Variants in LMX1A observed in about 807,000 individuals in gnomAD.
The protein encoded by LMX1A is LIM homeobox transcription factor 1 alpha, also known as LIM homeobox transcription factor 1-alpha.
Under a neutral mutation model 49.1 loss-of-function variants are expected in LMX1A, and 15 were observed. The observed-to-expected ratio is 0.31, with a 90% confidence interval of 0.20 to 0.47. The LOEUF is 0.47. Ranked by LOEUF, LMX1A falls within the 20% of genes least tolerant of loss-of-function variation. The probability of loss-of-function intolerance (pLI) is 1.00; values close to 1 mark genes in which losing one functional copy is unlikely to be tolerated. For missense variants in LMX1A, 372 were observed against 475.8 expected (o/e 0.78, Z 2.03); for synonymous variants, 167 against 185.7 (o/e 0.90, Z 0.82).
At chr1:165,310,068 A>G (rs1349596927) in intron 3 of LMX1A, among the ~76,000 whole-genome samples, 1 of 152,214 alleles carries the variant, frequency 6.6e-6, no homozygotes, top group Non-Finnish European at 1.5e-5. Flanking sequence ...TTATAACTAA[A>G]GGGCATAGCT....
intron 3 of LMX1A, among the ~76,000 whole-genome samples, chr1:165,335,027 C>T (rs192515442): frequency 1.3e-5 from 2 of 152,316 alleles, no homozygotes; most frequent in Admixed American, 1.3e-4. Context: ...AACACCACCC[C>T]TTTGTTAAGA....
intron 3 of LMX1A, among the ~76,000 whole-genome samples, chr1:165,312,919 CA>C (rs1317964763): frequency 1.3e-5 from 2 of 152,224 alleles, no homozygotes; most frequent in East Asian, 3.9e-4. Context: ...ATTTAGACTT[CA>C]GTGGAAGAAA....
At chr1:165,272,574 A>C (rs1489935019) in intron 3 of LMX1A, among the ~76,000 whole-genome samples, 2 of 152,120 alleles carry the variant, frequency 1.3e-5, no homozygotes, top group Admixed American at 6.5e-5. Context: ...CAATGACCAT[A>C]GTGGCGATTT....
At position 165,262,188 on chromosome 1, in the gene LMX1A, T is replaced by C. The variant is rs560292843; in HGVS notation, c.264-12548A>G. 6.2e-4 allele frequency among the ~76,000 whole-genome samples: 95 copies of C among 152,310 alleles called. 1 individual carries two copies. The highest frequency in any genetic ancestry group is 1.5e-3 in the South Asian group (7 of 4,824). On this transcript the variant is annotated intron_variant, in intron 3 of 8. Transcript: ENST00000342310. ...CCTCCCTTGCAGCTAGGGGTAGCCA[T>C]GTGAGGTAGTACATGGATTCTATTG...
intron 3 of LMX1A, among the ~76,000 whole-genome samples, chr1:165,309,332 C>A (rs890719364): frequency 6.6e-6 from 1 of 152,198 alleles, no homozygotes; most frequent in Non-Finnish European, 1.5e-5. Flanking sequence ...TAACAAAAAC[C>A]TGGCAGGGAA....
At chr1:165,316,136 G>C (rs1655213301) in intron 3 of LMX1A, among the ~76,000 whole-genome samples, 1 of 152,196 alleles carries the variant, frequency 6.6e-6, no homozygotes, top group African/African-American at 2.4e-5. Flanking sequence ...ACAGGAGTAA[G>C]GTTTTTCTTT....
chr1:165,313,711 C>T lies in LMX1A; in HGVS notation c.263+39365G>A, dbSNP rs1355256316. Among the ~76,000 whole-genome samples, 5 of 152,240 alleles carry T rather than the reference C, an allele frequency of 3.3e-5. No homozygotes were observed. The East Asian group carries it at 7.7e-4, about 24-fold the overall frequency. On this transcript the variant is annotated intron_variant, in intron 3 of 8. Transcript: ENST00000342310. ...CAGCTCATTTCCCTTCTGCCTTCAG[C>T]TCTTCTGCCAGTGCCTCTTGCTGGT...
chr1:165,249,010 C>A (rs189161130), intron 4 of LMX1A, among the ~76,000 whole-genome samples: 438 of 152,292 alleles, frequency 2.9e-3, no homozygotes, highest in African/African-American at 9.9e-3. Context: ...GTTCCCCAAA[C>A]CTGGATCCTG....
chr1:165,204,312 G>A (rs4657411), intron 8 of LMX1A, among the ~76,000 whole-genome samples: 72,424 of 152,032 alleles, frequency 0.48, 19,099 homozygotes, highest in Non-Finnish European at 0.61. Context: ...GGCAGGACAT[G>A]TCACCAGAGG....
At chr1:165,206,930 T>C (rs1010019691) in intron 7 of LMX1A, among the ~76,000 whole-genome samples, 5 of 152,222 alleles carry the variant, frequency 3.3e-5, no homozygotes, top group Non-Finnish European at 5.9e-5. Context: ...AGTCAAATTC[T>C]GGATTAAGCC....
At chr1:165,318,861 C>G (rs947121127) in intron 3 of LMX1A, among the ~76,000 whole-genome samples, 1 of 152,078 alleles carries the variant, frequency 6.6e-6, no homozygotes, top group Non-Finnish European at 1.5e-5. Flanking sequence ...GCCACCATAC[C>G]ATCTCTGTAC....
intron 3 of LMX1A, among the ~76,000 whole-genome samples, chr1:165,303,077 A>C (rs756325023): frequency 1.3e-4 from 20 of 152,234 alleles, no homozygotes; most frequent in Admixed American, 3.3e-4. Context: ...GGAAGGATAG[A>C]GTATAAATAA....
intron 3 of LMX1A, among the ~76,000 whole-genome samples, chr1:165,324,797 C>G (rs959781206): frequency 1.3e-5 from 2 of 152,122 alleles, no homozygotes; most frequent in Non-Finnish European, 2.9e-5. Context: ...AACTGAGGTT[C>G]AAAGGGCATC....
chr1:165,247,928 T>C (rs968101939), intron 4 of LMX1A, among the ~76,000 whole-genome samples: 1 of 152,226 alleles, frequency 6.6e-6, no homozygotes, highest in Non-Finnish European at 1.5e-5. Context: ...TAATGGTTTT[T>C]CTTCATGTGT....
intron 3 of LMX1A, among the ~76,000 whole-genome samples, chr1:165,267,050 G>A (rs1653649098): frequency 6.6e-6 from 1 of 151,198 alleles, no homozygotes; most frequent in South Asian, 2.1e-4. Context: ...ACAATTCTAT[G>A]ATATTCAGTA....
chr1:165,287,145 C>T (rs1447050550), intron 3 of LMX1A, among the ~76,000 whole-genome samples: 19 of 152,176 alleles, frequency 1.2e-4, no homozygotes, highest in African/African-American at 4.3e-4. Context: ...CTGCCTTCTA[C>T]CCCATTGGCT....
rs61551654 is a variant in LMX1A at position 165,266,595 on chromosome 1, C to CTTTTTTTTTTTTTT, written c.264-16969_264-16956dup. Among the ~76,000 whole-genome samples, 104 of 79,166 alleles carry CTTTTTTTTTTTTTT rather than the reference C, an allele frequency of 1.3e-3. 1 individual carries two copies. Among genetic ancestry groups the CTTTTTTTTTTTTTT allele is most frequent in the Non-Finnish European group, 1.5e-3 (66 of 45,386 alleles). 51.9% of individuals were successfully genotyped at this position (79,166 alleles called of 152,430 possible). On this transcript the variant is annotated intron_variant, in intron 3 of 8. Transcript: ENST00000342310. ...CTAATTTTCTTTCTCTTCTTTCTTTCTTTTTTTTTTTTTTTTTTTTTTTTG... is the reference window on the plus strand; with the variant it reads ...CTAATTTTCTTTCTCTTCTTTCTTTCTTTTTTTTTTTTTTTTTTTTTTTTTTTTTTTTTTTTTTG...
At chr1:165,247,080 T>TTTTTTA (rs1652883753) in intron 4 of LMX1A, among the ~76,000 whole-genome samples, 2 of 134,320 alleles carry the variant, frequency 1.5e-5, no homozygotes, top group Non-Finnish European at 1.7e-5. Context: ...TTTTTTTTTT[T>TTTTTTA]GCAGGGTTAG....
In LMX1A at chr1:165,321,551, A is replaced by G. The variant is rs1367989574; in HGVS notation, c.263+31525T>C. 2.0e-5 allele frequency among the ~76,000 whole-genome samples: 3 copies of G among 152,178 alleles called. No homozygotes were observed. In the East Asian group the frequency reaches 5.8e-4, roughly 29 times the overall value. On this transcript the variant is annotated intron_variant, in intron 3 of 8. Transcript: ENST00000342310. Reference sequence around the variant, plus strand: ...CCAGAATAATCTTCCTAATACTGCCATCAAATAATTTCTACGGTCAAGAAC... The same window carrying G: ...CCAGAATAATCTTCCTAATACTGCCGTCAAATAATTTCTACGGTCAAGAAC...
Sources: gnomAD v4.1 joint callset for allele counts (sites outside exome capture counted in the v4.1 genomes callset) on GRCh38, gnomAD v4.1.1 for gene constraint, MANE v1.5 for transcripts, NCBI Gene and HGNC (gene_info 2026-07-23, HGNC 2026-07-21) for gene names.